CALN1: variants seen among roughly 807,000 people sequenced by gnomAD.
CALN1 encodes the protein calneuron 1.
A neutral mutation model predicts 30.6 loss-of-function variants in CALN1; 17 were observed. The ratio of observed to expected loss-of-function variants is 0.56; its 90% CI spans 0.38 to 0.83. CALN1 has a LOEUF of 0.83. Ranked by LOEUF, CALN1 falls within the 40% of genes least tolerant of loss-of-function variation. The pLI is 0.00. For missense variants in CALN1, 291 were observed against 354.9 expected (o/e 0.82, Z 1.45); for synonymous variants, 156 against 131.4 (o/e 1.19, Z -1.28).
chr7:72,400,024 A>G lies in CALN1; in HGVS notation c.119+3227T>C, dbSNP rs1225630763. 3.3e-5 allele frequency among the ~76,000 whole-genome samples: 5 copies of G among 152,218 alleles called. No individual in the cohort carries two copies. In the East Asian group the frequency reaches 5.8e-4, roughly 18 times the overall value. On this transcript the variant is annotated intron_variant, in intron 2 of 6. Transcript: ENST00000395275. ...TTAGAACCTTCCTGAGGTCCTCAGC[A>G]GAAGCAGATTAGGCCATCCCCTTCT...
chr7:72,345,687 C>T (rs878918336), intron 2 of CALN1, among the ~76,000 whole-genome samples: 1 of 152,038 alleles, frequency 6.6e-6, no homozygotes, highest in Admixed American at 6.5e-5. Context: ...TGATAAACAC[C>T]CCAGGGTTTC....
At chr7:72,455,319 A>ATGTGTGTG in the CALN1 span, among the ~76,000 whole-genome samples, 2 of 132,376 alleles carry the variant, frequency 1.5e-5, no homozygotes, top group African/African-American at 5.9e-5. Context: ...ATATATATAT[A>ATGTGTGTG]TATGTGTGTG....
chr7:72,288,115 A>T (rs939990374), intron 2 of CALN1, among the ~76,000 whole-genome samples: 7 of 152,082 alleles, frequency 4.6e-5, no homozygotes, highest in African/African-American at 1.7e-4. Context: ...GTCTCCTCTG[A>T]TTGCGGTCAA....
chr7:72,347,035 C>A (rs1802681363), intron 2 of CALN1, among the ~76,000 whole-genome samples: 1 of 151,938 alleles, frequency 6.6e-6, no homozygotes, highest in African/African-American at 2.4e-5. Flanking sequence ...AGCGAATTGT[C>A]AAACATGTAA....
intron 5 of CALN1, among the ~76,000 whole-genome samples, chr7:71,955,696 G>GC (rs1032157550): frequency 3.9e-4 from 59 of 152,152 alleles, no homozygotes; most frequent in African/African-American, 1.4e-3. Context: ...TAAGTTTTGA[G>GC]CATGCCCTGG....
chr7:72,386,303 T>A (rs1381343707), intron 2 of CALN1, among the ~76,000 whole-genome samples: 1 of 152,160 alleles, frequency 6.6e-6, no homozygotes, highest in Non-Finnish European at 1.5e-5. Flanking sequence ...GACAAATCAA[T>A]CTGTGTTACA....
At chr7:72,264,877 C>A (rs1796508376) in intron 3 of CALN1, among the ~76,000 whole-genome samples, 1 of 152,076 alleles carries the variant, frequency 6.6e-6, no homozygotes, top group Non-Finnish European at 1.5e-5. Flanking sequence ...GTATTGTTCC[C>A]CTCTATGTGA....
rs997375071 is a variant in CALN1, at chr7:72,336,744, G to A, written c.120-57934C>T. The A allele has an allele frequency of 8.1e-6, 8 of 985,252 alleles. No homozygotes were observed. The South Asian group carries it at 1.9e-4, about 23-fold the overall frequency. The allele number at this position is 985,252 out of a possible 1,614,324, so 61.0% of individuals were successfully genotyped here. On this transcript the variant is annotated intron_variant, in intron 2 of 6. Transcript: ENST00000395275. ...GGCTCCGCAGCCCGGCAGCCGAGGCGCCTCCGCACAGCGCGGGGGGCTTCC... is the reference window on the plus strand; with the variant it reads ...GGCTCCGCAGCCCGGCAGCCGAGGCACCTCCGCACAGCGCGGGGGGCTTCC...
At chr7:71,925,102 A>G (rs764913984) in intron 5 of CALN1, among the ~76,000 whole-genome samples, 1 of 152,082 alleles carries the variant, frequency 6.6e-6, no homozygotes, top group Non-Finnish European at 1.5e-5. Context: ...TTAGCTGGGC[A>G]TGGTGGCACA....
chr7:72,170,056 G>A (rs1271902621), intron 3 of CALN1, among the ~76,000 whole-genome samples: 1 of 152,124 alleles, frequency 6.6e-6, no homozygotes, highest in Non-Finnish European at 1.5e-5. Context: ...GAGTGCAATG[G>A]TGCATAATCA....
chr7:72,091,120 G>C (rs1403957623), intron 4 of CALN1, among the ~76,000 whole-genome samples: 1 of 152,184 alleles, frequency 6.6e-6, no homozygotes, highest in African/African-American at 2.4e-5. Flanking sequence ...CCTGAGGTTT[G>C]GAATTTGAGG....
chr7:71,833,110 C>T (rs1250198504), intron 5 of CALN1, among the ~76,000 whole-genome samples: 1 of 152,186 alleles, frequency 6.6e-6, no homozygotes, highest in African/African-American at 2.4e-5. Flanking sequence ...CTTTAGGCCT[C>T]AACTTCTCTG....
chr7:72,440,893 A>G (rs1266861505), intron 1 of CALN1, among the ~76,000 whole-genome samples: 1 of 152,190 alleles, frequency 6.6e-6, no homozygotes, highest in African/African-American at 2.4e-5. Flanking sequence ...TGTTTTTTGT[A>G]CTGATCTTGC....
At chr7:72,368,711 G>A (rs966491644) in intron 2 of CALN1, among the ~76,000 whole-genome samples, 4 of 151,064 alleles carry the variant, frequency 2.6e-5, no homozygotes, top group East Asian at 1.9e-4. Flanking sequence ...ATTTACACAA[G>A]ACGACAAAGT....
Position 72,050,151 on chromosome 7 carries a change from A to G in CALN1, c.389-26382T>C, listed in dbSNP as rs566735207. 2.0e-5 allele frequency among the ~76,000 whole-genome samples: 3 copies of G among 152,144 alleles called. No homozygotes were observed. The East Asian group carries it at 5.8e-4, about 29-fold the overall frequency. ...GGTATTAATTGATGTCCCTGTTTTA[A>G]TAAGGCATAAGGGAGGTTCAGATAT... On this transcript the variant is annotated intron_variant, in intron 4 of 6. Coordinates refer to ENST00000395275, the MANE Select transcript of CALN1 (RefSeq NM_031468.4).
intron 4 of CALN1, among the ~76,000 whole-genome samples, chr7:72,058,058 G>A (rs998242080): frequency 1.3e-4 from 20 of 152,022 alleles, no homozygotes; most frequent in Admixed American, 3.9e-4. Context: ...ACCACCATCC[G>A]GATCATTTCA....
At chr7:71,926,088 G>C (rs1795256381) in intron 5 of CALN1, among the ~76,000 whole-genome samples, 1 of 152,138 alleles carries the variant, frequency 6.6e-6, no homozygotes, top group South Asian at 2.1e-4. Flanking sequence ...TGAAGCCTCA[G>C]TTTGGCAATA....
At chr7:72,448,943 G>A (rs1003462187), upstream of CALN1, among the ~76,000 whole-genome samples, 6 of 152,048 alleles carry the variant, frequency 3.9e-5, no homozygotes, top group Non-Finnish European at 7.4e-5. Context: ...TCATAAGCAC[G>A]TGAAATAAAT....
intron 5 of CALN1, among the ~76,000 whole-genome samples, chr7:71,861,462 G>T (rs556656709): frequency 1.3e-5 from 2 of 152,072 alleles, no homozygotes; most frequent in East Asian, 1.9e-4. Context: ...GATCTCATAG[G>T]TTATCAAATC....
Sources: gnomAD v4.1 joint callset for allele counts (sites outside exome capture counted in the v4.1 genomes callset) on GRCh38, gnomAD v4.1.1 for gene constraint, MANE v1.5 for transcripts, NCBI Gene and HGNC (gene_info 2026-07-23, HGNC 2026-07-21) for gene names.